Variants in XPO4 observed in about 807,000 individuals in gnomAD.
The protein encoded by XPO4 is exportin 4, also known as exportin-4.
In XPO4, 39 loss-of-function variants were observed where a neutral mutation model predicts 143.0. That is an observed-to-expected ratio of 0.27 (90% CI 0.21 to 0.36). XPO4 has a LOEUF of 0.36. XPO4 is among the 10% of genes least tolerant of loss of function. XPO4 has a pLI of 1.00. For missense variants in XPO4, 907 were observed against 1,348.0 expected (o/e 0.67, Z 5.12); for synonymous variants, 439 against 474.0 (o/e 0.93, Z 0.96).
At chr13:20,871,013 G>A (rs9550673) in intron 1 of XPO4, among the ~76,000 whole-genome samples, 18,106 of 151,978 alleles carry the variant, frequency 0.12, 1,830 homozygotes, top group East Asian at 0.49. Context: ...TCACTATGCT[G>A]CCCAGGCTGG....
At chr13:20,852,416 T>A (rs1394883262) in intron 4 of XPO4, 3 of 985,244 alleles carry the variant, frequency 3.0e-6, no homozygotes, top group Non-Finnish European at 3.6e-6. Context: ...CCACCACTTC[T>A]TTTTCCCCAG....
chr13:20,852,950 G>T, intron 4 of XPO4: 1 of 985,114 alleles, frequency 1.0e-6, no homozygotes, highest in East Asian at 1.1e-4. Flanking sequence ...ATGCTTTTGC[G>T]GTCAATTGAT....
chr13:20,889,937 A>G (rs1251838850), intron 1 of XPO4, among the ~76,000 whole-genome samples: 1 of 152,242 alleles, frequency 6.6e-6, no homozygotes, highest in African/African-American at 2.4e-5. Context: ...ACTACAAAGC[A>G]AAGAATATTC....
intron 1 of XPO4, among the ~76,000 whole-genome samples, chr13:20,889,023 G>A (rs1486649256): frequency 6.6e-6 from 1 of 151,918 alleles, no homozygotes; most frequent in Admixed American, 6.6e-5. Context: ...ATGTTGGTCA[G>A]GCTGGTCTCG....
At chr13:20,826,053 A>C (rs2059780763) in intron 7 of XPO4, among the ~76,000 whole-genome samples, 1 of 152,200 alleles carries the variant, frequency 6.6e-6, no homozygotes, top group Non-Finnish European at 1.5e-5. Flanking sequence ...TAGCTTTTTT[A>C]CTTTTAATTG....
Position 20,888,153 on chromosome 13 carries a change from C to T in XPO4, c.69+14517G>A, listed in dbSNP as rs545855000. ...TTGTGCCATTGCATGCCAGCCTGGG[C>T]GACAAGAGCAAAACTCCATCTCAAA... On this transcript the variant is annotated intron_variant, in intron 1 of 22. Transcript: ENST00000255305. Among the ~76,000 whole-genome samples, 5 of 110,806 alleles carry T rather than the reference C, an allele frequency of 4.5e-5. 1 individual carries two copies. Among genetic ancestry groups the T allele is most frequent in the African/African-American group, 1.3e-4 (4 of 29,720 alleles). The allele number at this position is 110,806 out of a possible 152,430, so 72.7% of individuals were successfully genotyped here. A position where few individuals can be genotyped will look rare whatever the true frequency, so the allele number is the denominator to read the frequency against.
At chr13:20,858,827 C>A (rs573449957) in intron 3 of XPO4, among the ~76,000 whole-genome samples, 1 of 151,562 alleles carries the variant, frequency 6.6e-6, no homozygotes, top group South Asian at 2.1e-4. Context: ...GCCAAGATTG[C>A]GCCATTGCAC....
At chr13:20,792,009 G>A (rs2059286337) in intron 18 of XPO4, among the ~76,000 whole-genome samples, 1 of 152,182 alleles carries the variant, frequency 6.6e-6, no homozygotes, top group Admixed American at 6.5e-5. Context: ...GGAGCAGAAG[G>A]CTGGTACTAG....
intron 11 of XPO4, 75 bp from the exon 12 acceptor site, chr13:20,808,656 T>C: frequency 1.6e-6 from 2 of 1,260,130 alleles, no homozygotes; most frequent in Admixed American, 2.6e-5. Context: ...CTTCCATATA[T>C]TAGACAACAT....
At chr13:20,842,335 C>G (rs985737937) in intron 6 of XPO4, among the ~76,000 whole-genome samples, 18 of 152,150 alleles carry the variant, frequency 1.2e-4, no homozygotes, top group Admixed American at 1.1e-3. Flanking sequence ...ATTTAAAAAG[C>G]AGATATATGC....
rs1396217961 is a variant in XPO4, at chr13:20,781,945, C to T, written c.*1777G>A. 2 of 151,892 alleles carry T rather than the reference C, an allele frequency of 1.3e-5. No homozygotes were observed. The highest frequency in any genetic ancestry group is 4.8e-5 in the African/African-American group (2 of 41,362). The allele number at this position is 151,892 out of a possible 1,614,324, so 9.4% of individuals were successfully genotyped here. On this transcript the variant is annotated 3_prime_UTR_variant, in exon 23 of 23. Transcript: ENST00000255305. ...CAAAGTATTTTTTAAAATACAGAAA[C>T]GTGTACTTCTGGATGACTGATATTA... is the stretch of plus-strand genomic sequence containing the variant.
intron 1 of XPO4, among the ~76,000 whole-genome samples, chr13:20,892,481 C>T (rs1039490135): frequency 1.3e-5 from 2 of 152,170 alleles, no homozygotes; most frequent in Non-Finnish European, 2.9e-5. Context: ...TTTCACACTA[C>T]TCCCTTCCTC....
intron 1 of XPO4, among the ~76,000 whole-genome samples, chr13:20,884,479 G>A (rs756427017): frequency 2.0e-5 from 3 of 151,984 alleles, no homozygotes; most frequent in Non-Finnish European, 4.4e-5. Flanking sequence ...GTACAATCTC[G>A]GCTCACTGCA....
chr13:20,841,508 G>T (rs1217728015), intron 6 of XPO4, among the ~76,000 whole-genome samples: 1 of 152,098 alleles, frequency 6.6e-6, no homozygotes, highest in Non-Finnish European at 1.5e-5. Flanking sequence ...GTTGGTTATT[G>T]GGAGAAAGAT....
intron 1 of XPO4, among the ~76,000 whole-genome samples, chr13:20,894,816 C>G (rs1158198944): frequency 6.6e-6 from 1 of 150,646 alleles, no homozygotes; most frequent in Admixed American, 6.6e-5. Context: ...TGCACTCCAG[C>G]CTGGGCAACA....
rs868183487 is a variant in XPO4 at position 20,853,105 on chromosome 13, G to C, written c.456+2522C>G. The stretch of plus-strand genomic sequence containing the variant: ...CCAGCATTTTGGAAGGCTGAGGCAA[G>C]AGATCACTTGAGCCCAGGAGTTCGA... On this transcript the variant is annotated intron_variant, in intron 4 of 22. Coordinates refer to ENST00000255305, the MANE Select transcript of XPO4 (RefSeq NM_022459.5). 5.4e-6 allele frequency: 5 copies of C among 919,478 alleles called. No homozygotes were observed. In the African/African-American group the frequency reaches 9.0e-5, roughly 16 times the overall value. 57.0% of individuals were successfully genotyped at this position (919,478 alleles called of 1,614,324 possible).
intron 1 of XPO4, among the ~76,000 whole-genome samples, chr13:20,895,573 A>C (rs1043147175): frequency 2.6e-5 from 4 of 152,004 alleles, no homozygotes; most frequent in African/African-American, 7.2e-5. Context: ...CAGAAGTTGC[A>C]GTGAGCCGAG....
rs183243576 is a variant in XPO4 at position 20,873,552 on chromosome 13, T to C, written c.70-4851A>G. On this transcript the variant is annotated intron_variant, in intron 1 of 22. Transcript: ENST00000255305. ...ATAATTTCTGCCTGCACTGACTCAT[T>C]TTGGCTTCTTCCTCTATCGTGTTAC... Among the ~76,000 whole-genome samples, 114 of 152,316 alleles carry C rather than the reference T, an allele frequency of 7.5e-4. 1 individual carries two copies. The highest frequency in any genetic ancestry group is 7.5e-3 in the South Asian group (36 of 4,826).
intron 13 of XPO4, among the ~76,000 whole-genome samples, chr13:20,802,392 T>C (rs552275419): frequency 6.6e-6 from 1 of 152,278 alleles, no homozygotes; most frequent in African/African-American, 2.4e-5. Context: ...ATACCACCAG[T>C]GCTCGTTTGA....
Sources: allele counts gnomAD v4.1 joint callset (sites outside exome capture counted in the v4.1 genomes callset), GRCh38; gene constraint gnomAD v4.1.1; transcripts MANE v1.5; gene names NCBI Gene and HGNC (gene_info 2026-07-23, HGNC 2026-07-21).